Variants in HSBP1 observed in about 807,000 individuals in gnomAD.
HSBP1 encodes heat shock factor-binding protein 1.
A neutral mutation model predicts 9.6 loss-of-function variants in HSBP1; 5 were observed. That is an observed-to-expected ratio of 0.52 (90% CI 0.27 to 1.09). The LOEUF is 1.09. HSBP1 is among the 50% of genes least tolerant of loss of function. The pLI is 0.11. For synonymous variants in HSBP1, 42 were observed against 33.3 expected, an observed-to-expected ratio of 1.26 and a Z score of -0.90; for missense variants, 121 against 96.3, an observed-to-expected ratio of 1.26 and a Z score of -1.07.
chr16:83,809,186 CG>C, intron 2 of HSBP1, 118 bp from the exon 3 acceptor site: 1 of 673,122 alleles, frequency 1.5e-6, no homozygotes, highest in Non-Finnish European at 2.6e-6. Context: ...GTAACAGTGT[CG>C]AAAGAAAATT....
At position 83,808,691 on chromosome 16, in the gene HSBP1, C is replaced by G. The variant is rs1904522093; in HGVS notation, c.57C>G (p.Leu19=). The part of the protein sequence containing the change: ...VQDLTSVVQT[L]LQQMQDKFQT... ...TCGGTTTTTCTTAGGTGCAGACACT[C>G]CTGCAGCAGATGCAAGATAAATTTC... The change falls in exon 2 of 4, where the codon CTC becomes CTG. Residue 19 remains leucine, a synonymous_variant. Coordinates refer to ENST00000433866, the MANE Select transcript of HSBP1 (RefSeq NM_001537.4). The G allele has an allele frequency of 1.9e-6, 3 of 1,612,316 alleles. No individual in the cohort carries two copies. The highest frequency in any genetic ancestry group is 2.5e-6 in the Non-Finnish European group (3 of 1,178,668).
rs765176709 is a variant in HSBP1 at position 83,808,089 on chromosome 16, G to A, written c.13G>A (p.Asp5Asn). 7.3e-5 allele frequency: 113 copies of A among 1,545,660 alleles called. No homozygotes were observed. The highest frequency in any genetic ancestry group is 1.4e-4 in the African/African-American group (10 of 71,984). ...GGGCATCGGGGAGATGGCCGAGACT[G>A]ACCCCAAGACCGTGCAGGACCTCAC... MAET[D>N]PKTVQDLTSV... The change falls in exon 1 of 4, where the codon GAC (aspartate) becomes AAC (asparagine). Residue 5 changes from aspartate to asparagine, a missense_variant. By Grantham distance (23) the Asp-to-Asn change is conservative. Transcript: ENST00000433866.
rs1312225910 is a variant in HSBP1, at chr16:83,813,548, C to G, written c.*2130C>G. 1 of 152,504 alleles carries G rather than the reference C, an allele frequency of 6.6e-6. No homozygotes were observed. Among genetic ancestry groups the G allele is most frequent in the African/African-American group, 2.4e-5 (1 of 41,442 alleles). The allele number at this position is 152,504 out of a possible 1,614,324, so 9.4% of individuals were successfully genotyped here. A position where few individuals can be genotyped will look rare whatever the true frequency, so the allele number is the denominator to read the frequency against. On this transcript the variant is annotated 3_prime_UTR_variant, in exon 4 of 4. Coordinates refer to ENST00000433866, the MANE Select transcript of HSBP1 (RefSeq NM_001537.4). ...TGTTGCCCAGGCTGGTCTAGAACTC[C>G]TAGGCTCAAGCAGTCCTGTCTCAGC...
rs1385232796 is a variant in HSBP1 at position 83,808,003 on chromosome 16, C to G, written c.-74C>G. The G allele has an allele frequency of 1.5e-6, 2 of 1,349,556 alleles. No homozygotes were observed. Among genetic ancestry groups the G allele is most frequent in the Non-Finnish European group, 2.0e-6 (2 of 993,986 alleles). 83.6% of individuals were successfully genotyped at this position (1,349,556 alleles called of 1,614,324 possible). On this transcript the variant is annotated 5_prime_UTR_variant, in exon 1 of 4. Transcript: ENST00000433866. ...AGTCTCGTCGCGAGAAGCAGCGGCC[C>G]GGGGCGACTGAGCGGACAAACGGAA...
Position 83,817,417 on chromosome 16 carries a change from G to C in HSBP1, c.*5999G>C, listed in dbSNP as rs1311490304. The C allele has an allele frequency of 6.6e-6, 1 of 152,248 alleles. No homozygotes were observed. Among genetic ancestry groups the C allele is most frequent in the African/African-American group, 2.4e-5 (1 of 41,456 alleles). The allele number at this position is 152,248 out of a possible 1,614,324, so 9.4% of individuals were successfully genotyped here. On this transcript the variant is annotated 3_prime_UTR_variant, in exon 4 of 4. Transcript: ENST00000433866. ...ACCGGATTCAGCTTCAGATCTGCCT[G>C]ACATTTTTCCTGCCTGTCCTGGGCC...
rs567608373 is a variant in HSBP1 at position 83,814,292 on chromosome 16, G to C, written c.*2874G>C. Reference sequence around the variant, plus strand: ...CTGTGCTAAGCCTTTTGTTTGCACTGTTTGGCTTAATCCTCACAACAACAC... The same window carrying C: ...CTGTGCTAAGCCTTTTGTTTGCACTCTTTGGCTTAATCCTCACAACAACAC... On this transcript the variant is annotated 3_prime_UTR_variant, in exon 4 of 4. Coordinates refer to ENST00000433866, the MANE Select transcript of HSBP1 (RefSeq NM_001537.4). 6.6e-6 allele frequency: 1 copy of C among 152,210 alleles called. No individual in the cohort carries two copies. Among genetic ancestry groups the C allele is most frequent in the Non-Finnish European group, 1.5e-5 (1 of 68,034 alleles). The allele number at this position is 152,210 out of a possible 1,614,324, so 9.4% of individuals were successfully genotyped here. A position where few individuals can be genotyped will look rare whatever the true frequency, so the allele number is the denominator to read the frequency against.
At position 83,811,900 on chromosome 16, in the gene HSBP1, C is replaced by G. The variant is rs1904609272; in HGVS notation, c.*482C>G. The G allele has an allele frequency of 1.3e-5, 2 of 152,234 alleles. No homozygotes were observed. The highest frequency in any genetic ancestry group is 6.5e-5 in the Admixed American group (1 of 15,276). The allele number at this position is 152,234 out of a possible 1,614,324, so 9.4% of individuals were successfully genotyped here. Reference sequence around the variant, plus strand: ...AACACCAAATAGTGTGTTGGCAATACTTTTCAAATGGCTGAAAACACCTAA... The same window carrying G: ...AACACCAAATAGTGTGTTGGCAATAGTTTTCAAATGGCTGAAAACACCTAA... On this transcript the variant is annotated 3_prime_UTR_variant, in exon 4 of 4. Transcript: ENST00000433866.
At position 83,815,271 on chromosome 16, in the gene HSBP1, A is replaced by C. The variant is rs986465952; in HGVS notation, c.*3853A>C. On this transcript the variant is annotated 3_prime_UTR_variant, in exon 4 of 4. Coordinates refer to ENST00000433866, the MANE Select transcript of HSBP1 (RefSeq NM_001537.4). ...TGGAAATAGGAAAAGGGTTTGTTTC[A>C]ACAAGTCAGGATGACAGTATTTTAA... The C allele has an allele frequency of 5.9e-5, 9 of 152,192 alleles. No individual in the cohort carries two copies. Among genetic ancestry groups the C allele is most frequent in the African/African-American group, 2.2e-4 (9 of 41,424 alleles). The allele number at this position is 152,192 out of a possible 1,614,324, so 9.4% of individuals were successfully genotyped here.
chr16:83,810,917 C>T (rs1162333374), intron 3 of HSBP1, among the ~76,000 whole-genome samples: 1 of 152,106 alleles, frequency 6.6e-6, no homozygotes, highest in African/African-American at 2.4e-5. Flanking sequence ...TGCTGTGGAC[C>T]ACATTTTAAG....
chr16:83,815,159 A>T lies in HSBP1; in HGVS notation c.*3741A>T, dbSNP rs912095052. ...GAGAACTTTTCAATGAATGAAAATGAGGGAGGGGAGATGCAAGTCACTGCC... is the reference window on the plus strand; with the variant it reads ...GAGAACTTTTCAATGAATGAAAATGTGGGAGGGGAGATGCAAGTCACTGCC... On this transcript the variant is annotated 3_prime_UTR_variant, in exon 4 of 4. Transcript: ENST00000433866. 39 of 152,322 alleles carry T rather than the reference A, an allele frequency of 2.6e-4. No homozygotes were observed. The highest frequency in any genetic ancestry group is 8.9e-4 in the African/African-American group (37 of 41,572). 9.4% of individuals were successfully genotyped at this position (152,322 alleles called of 1,614,324 possible). A position where few individuals can be genotyped will look rare whatever the true frequency, so the allele number is the denominator to read the frequency against.
Position 83,808,622 on chromosome 16 carries a change from C to G in HSBP1, c.46-58C>G, listed in dbSNP as rs1460154918. 5 of 1,412,022 alleles carry G rather than the reference C, an allele frequency of 3.5e-6. No homozygotes were observed. In the African/African-American group the frequency reaches 7.0e-5, roughly 20 times the overall value. The allele number at this position is 1,412,022 out of a possible 1,614,324, so 87.5% of individuals were successfully genotyped here. The stretch of plus-strand genomic sequence containing the variant: ...CGGGACCAGGGCTTGCGTCCTGATC[C>G]CAGGAAGTTGTCTCAGGATCGATGT... On this transcript the variant is annotated intron_variant, in intron 1 of 3. Coordinates refer to ENST00000433866, the MANE Select transcript of HSBP1 (RefSeq NM_001537.4).
rs891757991 is a variant in HSBP1 at position 83,812,323 on chromosome 16, T to A, written c.*905T>A. The stretch of plus-strand genomic sequence containing the variant: ...ATATGATCAACGACTTGTAGTAGAC[T>A]CAAGTTTTTAAAAAACACTATTTTA... On this transcript the variant is annotated 3_prime_UTR_variant, in exon 4 of 4. Coordinates refer to ENST00000433866, the MANE Select transcript of HSBP1 (RefSeq NM_001537.4). The A allele has an allele frequency of 8.5e-5, 13 of 152,348 alleles. No individual in the cohort carries two copies. The highest frequency in any genetic ancestry group is 1.6e-4 in the Non-Finnish European group (11 of 68,046). The allele number at this position is 152,348 out of a possible 1,614,324, so 9.4% of individuals were successfully genotyped here. A position where few individuals can be genotyped will look rare whatever the true frequency, so the allele number is the denominator to read the frequency against.
chr16:83,808,092 C>T lies in HSBP1; in HGVS notation c.16C>T (p.Pro6Ser). The T allele has an allele frequency of 6.5e-7, 1 of 1,547,410 alleles. No individual in the cohort carries two copies. Among genetic ancestry groups the T allele is most frequent in the Non-Finnish European group, 8.7e-7 (1 of 1,145,018 alleles). Residue 6 changes from proline to serine, a missense_variant, in exon 1 of 4, where the codon CCC (proline) becomes TCC (serine). Pro to Ser is a moderately conservative substitution (Grantham distance 74). Coordinates refer to ENST00000433866, the MANE Select transcript of HSBP1 (RefSeq NM_001537.4). Reference protein sequence around the residue: MAETDPKTVQDLTSVV... With the variant: MAETDSKTVQDLTSVV... ...CATCGGGGAGATGGCCGAGACTGAC[C>T]CCAAGACCGTGCAGGACCTCACCTC...
chr16:83,816,562 T>A lies in HSBP1; in HGVS notation c.*5144T>A, dbSNP rs1485165890. On this transcript the variant is annotated 3_prime_UTR_variant, in exon 4 of 4. Transcript: ENST00000433866. ...GGTGTTTCCACCCCACTCCTGTGCCTAAAATGATCCTGGCAAACAGGACCC... is the reference window on the plus strand; with the variant it reads ...GGTGTTTCCACCCCACTCCTGTGCCAAAAATGATCCTGGCAAACAGGACCC... 1 of 152,180 alleles carries A rather than the reference T, an allele frequency of 6.6e-6. No homozygotes were observed. The highest frequency in any genetic ancestry group is 1.5e-5 in the Non-Finnish European group (1 of 68,026). The allele number at this position is 152,180 out of a possible 1,614,324, so 9.4% of individuals were successfully genotyped here.
intron 2 of HSBP1, 92 bp downstream of exon 2, chr16:83,808,838 C>T (rs1452555964): frequency 4.5e-6 from 4 of 892,962 alleles, no homozygotes; most frequent in Middle Eastern, 2.2e-4. Flanking sequence ...TTCAGGCTAG[C>T]TTCAGCCATT....
intron 1 of HSBP1, chr16:83,808,327 C>T (rs1904510533): frequency 3.6e-6 from 2 of 559,304 alleles, no homozygotes; most frequent in East Asian, 3.3e-5. Context: ...GCCCCCAAGC[C>T]CGACCCCTTC....
rs1173867521 is a variant in HSBP1, at chr16:83,819,587, C to A, written c.*8169C>A. The stretch of plus-strand genomic sequence containing the variant: ...AATGTACTTCAGTAAAAAATCATTT[C>A]AACTCTTAAGCCACAAAAGGATATC... On this transcript the variant is annotated 3_prime_UTR_variant, in exon 4 of 4. Coordinates refer to ENST00000433866, the MANE Select transcript of HSBP1 (RefSeq NM_001537.4). The A allele has an allele frequency of 6.6e-6, 1 of 152,148 alleles. No individual in the cohort carries two copies. 9.4% of individuals were successfully genotyped at this position (152,148 alleles called of 1,614,324 possible).
chr16:83,815,806 A>G lies in HSBP1; in HGVS notation c.*4388A>G, dbSNP rs1252004322. 1 of 152,164 alleles carries G rather than the reference A, an allele frequency of 6.6e-6. No individual in the cohort carries two copies. The highest frequency in any genetic ancestry group is 1.5e-5 in the Non-Finnish European group (1 of 68,036). 9.4% of individuals were successfully genotyped at this position (152,164 alleles called of 1,614,324 possible). A position where few individuals can be genotyped will look rare whatever the true frequency, so the allele number is the denominator to read the frequency against. On this transcript the variant is annotated 3_prime_UTR_variant, in exon 4 of 4. Transcript: ENST00000433866. Reference sequence around the variant, plus strand: ...ACTCTTGACTGTCCTGCTTCACAATAATAATCTTCGCAATAATGATCTAAT... The same window carrying G: ...ACTCTTGACTGTCCTGCTTCACAATGATAATCTTCGCAATAATGATCTAAT...
In HSBP1 at chr16:83,809,414, A is replaced by G. The variant is rs1428066324; in HGVS notation, c.222A>G (p.Gln74=). 4.4e-6 allele frequency: 7 copies of G among 1,581,482 alleles called. No individual in the cohort carries two copies. Among genetic ancestry groups the G allele is most frequent in the African/African-American group, 1.3e-5 (1 of 74,118 alleles). Residue 74 remains glutamine (Q), a synonymous_variant, in exon 3 of 4, where the codon CAA becomes CAG. Transcript: ENST00000433866. ...GTGAAAACAAGATACCTGCCACGCA[A>G]AAGAGTTGAAGGTGAGGAAGGGGGC... The part of the protein sequence containing the change: ...LESENKIPAT[Q]KS
Sources: allele counts gnomAD v4.1 joint callset (sites outside exome capture counted in the v4.1 genomes callset), GRCh38; gene constraint gnomAD v4.1.1; transcripts MANE v1.5; gene names NCBI Gene and HGNC (gene_info 2026-07-23, HGNC 2026-07-21).